Variants in TEX38 observed in about 807,000 individuals in gnomAD.
The protein encoded by TEX38 is testis-expressed protein 38.
In TEX38, 5 loss-of-function variants were observed where a neutral mutation model predicts 2.7. The ratio of observed to expected loss-of-function variants is 1.86; its 90% CI spans 0.97 to 3.90. TEX38 has a LOEUF of 3.90. Among genes scored for constraint, TEX38 ranks in the 30% most tolerant of loss-of-function variants. TEX38 has a pLI of 0.00. For missense variants in TEX38, 218 were observed against 247.9 expected, an observed-to-expected ratio of 0.88 and a Z score of 0.81; for synonymous variants, 110 against 103.3, an observed-to-expected ratio of 1.06 and a Z score of -0.39.
chr1:46,669,744 T>C (rs916780853), upstream of TEX38, among the ~76,000 whole-genome samples: 1 of 152,018 alleles, frequency 6.6e-6, no homozygotes, highest in Non-Finnish European at 1.5e-5. Flanking sequence ...CTGAAGGTAA[T>C]GTGGGAATGC....
intron 1 of TEX38, among the ~76,000 whole-genome samples, chr1:46,672,357 G>A (rs1398675431): frequency 6.6e-6 from 1 of 151,402 alleles, no homozygotes; most frequent in African/African-American, 2.4e-5. Flanking sequence ...TGATTCTCCT[G>A]CCTCAGCCTC....
upstream of TEX38, chr1:46,669,138 C>G: frequency 3.9e-6 from 1 of 253,998 alleles, no homozygotes; most frequent in Non-Finnish European, 8.2e-6. Flanking sequence ...GGGTCAGGGA[C>G]AGTGACATTA....
In TEX38 at chr1:46,673,219, G is replaced by A. The variant is rs1295350559; in HGVS notation, c.384G>A (p.Leu128=). The A allele has an allele frequency of 3.2e-6, 5 of 1,550,356 alleles. No individual in the cohort carries two copies. In the African/African-American group the frequency reaches 6.8e-5, roughly 21 times the overall value. Residue 128 remains leucine (L), a synonymous_variant, in exon 2 of 2, where the codon CTG becomes CTA. Transcript: ENST00000334122. ...SNPKAEAPAP[L]QPALQLAPQQ... Reference sequence around the variant, plus strand: ...CCAAGGCGGAAGCCCCTGCTCCCCTGCAACCTGCACTGCAGCTGGCTCCAC... The same window carrying A: ...CCAAGGCGGAAGCCCCTGCTCCCCTACAACCTGCACTGCAGCTGGCTCCAC...
In TEX38 at chr1:46,673,372, A is replaced by G. The variant is rs540415382; in HGVS notation, c.537A>G (p.Glu179=). 1.3e-6 allele frequency: 2 copies of G among 1,551,914 alleles called. No individual in the cohort carries two copies. Among genetic ancestry groups the G allele is most frequent in the Admixed American group, 2.0e-5 (1 of 51,004 alleles). ...SVSYPLATCP[E]RNVLFHSLLN... Reference sequence around the variant, plus strand: ...CCTATCCTTTGGCCACCTGTCCTGAAAGGAATGTTCTCTTCCATTCCCTCC... The same window carrying G: ...CCTATCCTTTGGCCACCTGTCCTGAGAGGAATGTTCTCTTCCATTCCCTCC... The change falls in exon 2 of 2, where the codon GAA becomes GAG. Residue 179 remains glutamate (E), a synonymous_variant. Transcript: ENST00000334122.
chr1:46,672,250 T>C lies in TEX38; in HGVS notation c.37+279T>C, dbSNP rs551388923. 3.2e-3 allele frequency among the ~76,000 whole-genome samples: 481 copies of C among 151,878 alleles called. 2 individuals are homozygous for C. The highest frequency in any genetic ancestry group is 0.011 in the African/African-American group (460 of 41,416). ...CTGTCAACTGATGAACTTTCACTTT[T>C]TTTTTTTTTTTTGAGATGAAGTTTT... is the stretch of plus-strand genomic sequence containing the variant. On this transcript the variant is annotated intron_variant, in intron 1 of 1. Coordinates refer to ENST00000334122, the MANE Select transcript of TEX38 (RefSeq NM_001145474.4).
chr1:46,669,409 T>TA, upstream of TEX38: 1 of 456,092 alleles, frequency 2.2e-6, no homozygotes, highest in Non-Finnish European at 4.4e-6. Context: ...CTCACACTCC[T>TA]AACACTTGCT....
upstream of TEX38, chr1:46,669,614 A>G (rs1268522935): frequency 9.6e-6 from 4 of 418,398 alleles, no homozygotes; most frequent in African/African-American, 8.2e-5. Context: ...TAATTCATTG[A>G]GCTTACATTC....
At chr1:46,670,215 A>T (rs902563673), upstream of TEX38, among the ~76,000 whole-genome samples, 7 of 151,934 alleles carry the variant, frequency 4.6e-5, no homozygotes, top group East Asian at 1.9e-4. Context: ...TGATAGTGAT[A>T]AAAAAAAGTG....
Position 46,673,525 on chromosome 1 carries a change from A to C in TEX38, c.*69A>C. 1 of 1,373,878 alleles carries C rather than the reference A, an allele frequency of 7.3e-7. No homozygotes were observed. Among genetic ancestry groups the C allele is most frequent in the Non-Finnish European group, 9.8e-7 (1 of 1,023,622 alleles). The allele number at this position is 1,373,878 out of a possible 1,614,324, so 85.1% of individuals were successfully genotyped here. A position where few individuals can be genotyped will look rare whatever the true frequency, so the allele number is the denominator to read the frequency against. On this transcript the variant is annotated 3_prime_UTR_variant, in exon 2 of 2. Coordinates refer to ENST00000334122, the MANE Select transcript of TEX38 (RefSeq NM_001145474.4). ...GTAGGAAATGGAACTAACCTCAGGA[A>C]GGTGGTATTGACAGAGGTCAGGACC...
Position 46,673,482 on chromosome 1 carries a change from G to A in TEX38, c.*26G>A, listed in dbSNP as rs548740661. The A allele has an allele frequency of 3.3e-6, 5 of 1,519,146 alleles. No homozygotes were observed. Among genetic ancestry groups the A allele is most frequent in the Non-Finnish European group, 3.5e-6 (4 of 1,128,160 alleles). 94.1% of individuals were successfully genotyped at this position (1,519,146 alleles called of 1,614,324 possible). A position where few individuals can be genotyped will look rare whatever the true frequency, so the allele number is the denominator to read the frequency against. ...CCTCCTCTCACTGAAGGTGGGAGCTGCAGGAATCAGGTGCAGAGTAGGAAA... is the reference window on the plus strand; with the variant it reads ...CCTCCTCTCACTGAAGGTGGGAGCTACAGGAATCAGGTGCAGAGTAGGAAA... On this transcript the variant is annotated 3_prime_UTR_variant, in exon 2 of 2. Coordinates refer to ENST00000334122, the MANE Select transcript of TEX38 (RefSeq NM_001145474.4).
intron 1 of TEX38, among the ~76,000 whole-genome samples, chr1:46,672,626 C>T (rs904728185): frequency 1.3e-5 from 2 of 152,178 alleles, no homozygotes; most frequent in African/African-American, 4.8e-5. Context: ...CAGCACATGC[C>T]CCCGCTAGAC....
chr1:46,672,234 G>C (rs1173095632), intron 1 of TEX38, among the ~76,000 whole-genome samples: 1 of 151,274 alleles, frequency 6.6e-6, no homozygotes, highest in African/African-American at 2.4e-5. Context: ...TCTGTCAACT[G>C]ATGAACTTTC....
rs1294775168 is a variant in TEX38, at chr1:46,671,917, G to T, written c.-18G>T. 1 of 1,551,240 alleles carries T rather than the reference G, an allele frequency of 6.4e-7. No individual in the cohort carries two copies. On this transcript the variant is annotated 5_prime_UTR_variant, in exon 1 of 2. Coordinates refer to ENST00000334122, the MANE Select transcript of TEX38 (RefSeq NM_001145474.4). ...CCCTCTCCCCAGAGCCATCGGCCAGGTACCAAAGCTCAGCTGTATGGATTC... is the reference window on the plus strand; with the variant it reads ...CCCTCTCCCCAGAGCCATCGGCCAGTTACCAAAGCTCAGCTGTATGGATTC...
upstream of TEX38, among the ~76,000 whole-genome samples, chr1:46,669,888 C>T (rs1431391629): frequency 6.6e-6 from 1 of 152,170 alleles, no homozygotes; most frequent in Non-Finnish European, 1.5e-5. Flanking sequence ...AGTTAGATTG[C>T]TTAGGCCTTG....
intron 1 of TEX38, among the ~76,000 whole-genome samples, chr1:46,672,355 C>T (rs1394822317): frequency 6.6e-6 from 1 of 152,020 alleles, no homozygotes; most frequent in African/African-American, 2.4e-5. Context: ...AGTGATTCTC[C>T]TGCCTCAGCC....
chr1:46,671,070 G>A (rs559790302), upstream of TEX38, among the ~76,000 whole-genome samples: 1 of 152,240 alleles, frequency 6.6e-6, no homozygotes, highest in South Asian at 2.1e-4. Context: ...AACTCTCAAA[G>A]TTTCTTCAAA....
At chr1:46,671,780 A>G (rs1353377083), upstream of TEX38, 1 of 781,652 alleles carries the variant, frequency 1.3e-6, no homozygotes, top group Non-Finnish European at 2.2e-6. Context: ...AGAATGCCCA[A>G]TTCTCAGAAC....
chr1:46,673,130 CCAG>C lies in TEX38; in HGVS notation c.296_298del (p.Pro99_Asp100delinsHis), dbSNP rs1272243350. ...CAAGACTGAGACTGAGGTCCAGAAT[CCAG>C]ATGTTCTGTGGGATTTGGACATCCC... On this transcript the variant is annotated inframe_deletion, in exon 2 of 2. Transcript: ENST00000334122. 32 of 1,551,630 alleles carry C rather than the reference CCAG, an allele frequency of 2.1e-5. No individual in the cohort carries two copies. Among genetic ancestry groups the C allele is most frequent in the African/African-American group, 5.5e-5 (4 of 73,062 alleles).
rs201697740 is a variant in TEX38, at chr1:46,673,582, GA to G, written c.*138del. ...GATGTCATGCTATGAAACATTAAAA[GA>G]AAAAAAAAAAAGTCCAAGGCTCCCT... is the stretch of plus-strand genomic sequence containing the variant. On this transcript the variant is annotated 3_prime_UTR_variant, in exon 2 of 2. Transcript: ENST00000334122. 0.069 allele frequency: 35,591 copies of G among 513,048 alleles called. 1 individual carries two copies. Among genetic ancestry groups the G allele is most frequent in the East Asian group, 0.093 (1,885 of 20,228 alleles). The allele number at this position is 513,048 out of a possible 1,614,324, so 31.8% of individuals were successfully genotyped here.
Sources: allele counts gnomAD v4.1 joint callset (sites outside exome capture counted in the v4.1 genomes callset), GRCh38; gene constraint gnomAD v4.1.1; transcripts MANE v1.5; gene names NCBI Gene and HGNC (gene_info 2026-07-23, HGNC 2026-07-21).